Variants in CSMD2 observed in about 807,000 individuals in gnomAD.
CSMD2 encodes the protein CUB and sushi domain-containing protein 2.
CSMD2 carries 130 observed loss-of-function variants against 398.5 expected under a neutral mutation model. The observed-to-expected ratio is 0.33, with a 90% CI of 0.28 to 0.38. The LOEUF is 0.38. CSMD2 is among the 10% of genes least tolerant of loss of function. The probability of loss-of-function intolerance (pLI) is 1.00; values close to 1 mark genes in which losing one functional copy is unlikely to be tolerated. For synonymous variants in CSMD2, 1,828 were observed against 1,908.5 expected (o/e 0.96, Z 1.10); for missense variants, 3,829 against 4,764.9 (o/e 0.80, Z 5.78).
intron 6 of CSMD2, among the ~76,000 whole-genome samples, chr1:33,828,337 C>T (rs1448449514): frequency 6.6e-6 from 1 of 152,150 alleles, no homozygotes; most frequent in Non-Finnish European, 1.5e-5. Flanking sequence ...GGAGCAGTTC[C>T]AGCACCACAA....
At chr1:34,140,280 G>T (rs1639146274) in intron 1 of CSMD2, among the ~76,000 whole-genome samples, 2 of 135,888 alleles carry the variant, frequency 1.5e-5, no homozygotes, top group African/African-American at 5.2e-5. Context: ...CCAGACAGAG[G>T]AATCGGCATA....
intron 25 of CSMD2, among the ~76,000 whole-genome samples, chr1:33,688,747 T>C (rs1335043174): frequency 6.6e-6 from 1 of 152,084 alleles, no homozygotes; most frequent in Non-Finnish European, 1.5e-5. Context: ...ACCTGGAAGG[T>C]AGGGGTTGCA....
Position 33,743,417 on chromosome 1 carries a change from G to A in CSMD2, c.2036C>T (p.Thr679Ile), listed in dbSNP as rs1253728913. 1.2e-6 allele frequency: 2 copies of A among 1,614,210 alleles called. No individual in the cohort carries two copies. Among genetic ancestry groups the A allele is most frequent in the East Asian group, 4.5e-5 (2 of 44,880 alleles). ...GGTGCCCAGGACGGGCGCCTCGGCG[G>A]TGGCCCCATCCTTGATGACCAGGAA... ...FDFLVIKDGA[T>I]AEAPVLGTFS... Residue 679 changes from threonine (T) to isoleucine (I), a missense_variant, in exon 14 of 71, where the codon ACC (threonine) becomes ATC (isoleucine). Thr to Ile is a moderately conservative substitution (Grantham distance 89). This residue lies in a region of CSMD2 where 2,001 missense variants were observed against 2,567.1 expected (regional missense o/e 0.78). Transcript: ENST00000373381.
At chr1:33,605,197 G>T in intron 42 of CSMD2, 85 bp downstream of exon 42, 1 of 1,285,686 alleles carries the variant, frequency 7.8e-7, no homozygotes, top group Non-Finnish European at 1.1e-6. Context: ...ATCCCACAGA[G>T]CAGGTAGGTG....
intron 5 of CSMD2, among the ~76,000 whole-genome samples, chr1:33,849,833 T>C (rs1476298090): frequency 1.3e-5 from 2 of 152,084 alleles, no homozygotes; most frequent in Non-Finnish European, 2.9e-5. Flanking sequence ...AAATAAATGG[T>C]AATTTTATTT....
chr1:33,930,020 ATC>A (rs1644261539), intron 4 of CSMD2, among the ~76,000 whole-genome samples: 1 of 152,132 alleles, frequency 6.6e-6, no homozygotes, highest in Non-Finnish European at 1.5e-5. Context: ...TGGCGTGTGT[ATC>A]TGTTTTCTGC....
chr1:33,645,938 C>CT (rs145335367), intron 29 of CSMD2, among the ~76,000 whole-genome samples: 9,224 of 152,310 alleles, frequency 0.061, 387 homozygotes, highest in East Asian at 0.13. Context: ...ACGCCCATTT[C>CT]TTTCTGTTTT....
chr1:33,839,698 C>CA (rs1251176085), intron 6 of CSMD2: 2 of 152,142 alleles, frequency 1.3e-5, no homozygotes, highest in African/African-American at 4.8e-5. Context: ...ATGAAAAAAA[C>CA]AGAGTCAGAT....
intron 13 of CSMD2, among the ~76,000 whole-genome samples, chr1:33,769,664 T>C (rs956527826): frequency 5.9e-5 from 9 of 152,176 alleles, no homozygotes; most frequent in African/African-American, 2.2e-4. Flanking sequence ...TTGTGTATTC[T>C]TGGCAGGGTA....
chr1:33,825,733 T>C lies in CSMD2; in HGVS notation c.1075A>G (p.Met359Val). Reference protein sequence around the residue: ...IELKSRGVKLMPSKDNSQKTS... With the variant: ...IELKSRGVKLVPSKDNSQKTS... ...TTCTGGCTGTTGTCTTTGCTGGGCA[T>C]CAGCTTCACACCTCGAGACTTCAAC... The change falls in exon 7 of 71, where the codon ATG (methionine) becomes GTG (valine). Residue 359 changes from methionine (M) to valine (V), a missense_variant. Transcript: ENST00000373381. 6.2e-7 allele frequency: 1 copy of C among 1,614,038 alleles called. No individual in the cohort carries two copies. The highest frequency in any genetic ancestry group is 1.1e-5 in the South Asian group (1 of 91,046).
rs192793534 is a variant in CSMD2, at chr1:33,800,772, C to T, written c.1447-8246G>A. On this transcript the variant is annotated intron_variant, in intron 10 of 70. Coordinates refer to ENST00000373381, the MANE Select transcript of CSMD2 (RefSeq NM_001281956.2). ...CCACATGGCCACAGCCAGATCTGGG[C>T]GAGGGGAAATGCCAGCACATGATTT... 6.6e-3 allele frequency among the ~76,000 whole-genome samples: 1,005 copies of T among 152,038 alleles called. 6 individuals carry two copies. The highest frequency in any genetic ancestry group is 0.023 in the African/African-American group (960 of 41,456).
At chr1:33,575,434 T>A (rs6701136) in intron 49 of CSMD2, among the ~76,000 whole-genome samples, 1 of 151,866 alleles carries the variant, frequency 6.6e-6, no homozygotes, top group African/African-American at 2.4e-5. Context: ...ATGGTCTCCA[T>A]GGAGGGAGGA....
At chr1:33,897,113 A>C (rs537192665) in intron 5 of CSMD2, among the ~76,000 whole-genome samples, 1 of 152,304 alleles carries the variant, frequency 6.6e-6, no homozygotes, top group South Asian at 2.1e-4. Context: ...TGGCTCCTCT[A>C]TGGGGTAAAC....
At chr1:34,062,239 G>A (rs1281701376) in intron 2 of CSMD2, among the ~76,000 whole-genome samples, 1 of 152,204 alleles carries the variant, frequency 6.6e-6, no homozygotes, top group Non-Finnish European at 1.5e-5. Context: ...CACCCACCAG[G>A]CCCTCTGAGA....
intron 62 of CSMD2, among the ~76,000 whole-genome samples, chr1:33,536,167 A>C (rs1655753817): frequency 6.6e-6 from 1 of 152,178 alleles, no homozygotes; most frequent in Non-Finnish European, 1.5e-5. Flanking sequence ...TTTCCTGGGC[A>C]AGTCCTGGAC....
Position 33,724,327 on chromosome 1 carries a change from G to T in CSMD2, c.2885-14C>A. ...CACCACAGAGAGCTACAGAAGGAGT[G>T]AAGAGGGCAGTGAAAGACCAGAGGG... is the stretch of plus-strand genomic sequence containing the variant. On this transcript the variant is annotated splice_polypyrimidine_tract_variant and intron_variant, in intron 18 of 70. Transcript: ENST00000373381. 1 of 1,593,904 alleles carries T rather than the reference G, an allele frequency of 6.3e-7. No individual in the cohort carries two copies. Among genetic ancestry groups the T allele is most frequent in the Non-Finnish European group, 8.6e-7 (1 of 1,162,218 alleles).
Position 33,714,733 on chromosome 1 carries a change from T to C in CSMD2, c.3260A>G (p.Tyr1087Cys). ...EPCEEPEVPA[Y>C]SIRKGLQFGV... ...AAACTGCAAGCCCTTCCGGATGCTG[T>C]AGGCTGGGACCTCGGGCTCCTCACA... is the stretch of plus-strand genomic sequence containing the variant. Residue 1087 changes from tyrosine to cysteine, a missense_variant, in exon 21 of 71, where the codon TAC becomes TGC. Transcript: ENST00000373381. 6.2e-7 allele frequency: 1 copy of C among 1,614,032 alleles called. No homozygotes were observed. Among genetic ancestry groups the C allele is most frequent in the Non-Finnish European group, 8.5e-7 (1 of 1,179,996 alleles).
chr1:33,865,806 T>A (rs1639990179), intron 5 of CSMD2, among the ~76,000 whole-genome samples: 1 of 152,182 alleles, frequency 6.6e-6, no homozygotes, highest in Admixed American at 6.5e-5. Context: ...TGACTTAGGT[T>A]TTTTCCTACT....
At chr1:34,045,609 G>A (rs1451686484) in intron 2 of CSMD2, among the ~76,000 whole-genome samples, 1 of 152,166 alleles carries the variant, frequency 6.6e-6, no homozygotes, top group East Asian at 1.9e-4. Flanking sequence ...GACTGGATGG[G>A]AGCAAAGCTA....
Sources: allele counts gnomAD v4.1 joint callset (sites outside exome capture counted in the v4.1 genomes callset), GRCh38; gene constraint gnomAD v4.1.1; regional missense constraint gnomAD v4.1.1; transcripts MANE v1.5; gene names NCBI Gene and HGNC (gene_info 2026-07-23, HGNC 2026-07-21).